The following VPS13C variants were observed in gnomAD, a reference collection of about 807,000 sequenced individuals.
VPS13C encodes the protein vacuolar protein sorting 13 homolog C.
VPS13C carries 358 observed loss-of-function variants against 456.8 expected under a neutral mutation model. That is an observed-to-expected ratio of 0.78 (90% CI 0.72 to 0.86). VPS13C has a LOEUF of 0.86. Among genes scored for constraint, VPS13C ranks in the 40% least tolerant of loss-of-function variants. The probability of loss-of-function intolerance (pLI) is 0.00; values close to 1 mark genes in which losing one functional copy is unlikely to be tolerated. For synonymous variants in VPS13C, 1,578 were observed against 1,486.7 expected, an observed-to-expected ratio of 1.06 and a Z score of -1.41; for missense variants, 4,818 against 4,385.4, an observed-to-expected ratio of 1.10 and a Z score of -2.79.
At chr15:61,931,859 C>T (rs1401608955) in intron 49 of VPS13C, among the ~76,000 whole-genome samples, 1 of 152,064 alleles carries the variant, frequency 6.6e-6, no homozygotes, top group Non-Finnish European at 1.5e-5. Context: ...GGATTACAGG[C>T]ATAAGCCACT....
At chr15:61,970,283 A>C (rs923249039) in intron 27 of VPS13C, among the ~76,000 whole-genome samples, 1 of 152,212 alleles carries the variant, frequency 6.6e-6, no homozygotes, top group African/African-American at 2.4e-5. Context: ...AGTCAACATC[A>C]GAATGCAACC....
rs200006808 is a variant in VPS13C at position 61,977,121 on chromosome 15, A to C, written c.2369T>G (p.Leu790Trp). 21 of 1,601,422 alleles carry C rather than the reference A, an allele frequency of 1.3e-5. No homozygotes were observed. Among genetic ancestry groups the C allele is most frequent in the Non-Finnish European group, 1.8e-5 (21 of 1,174,434 alleles). ...GTCTTTTTCTACCATGGCCTTAGCC[A>C]ACTCAACATGAATATCCATGGGTTG... Reference protein sequence around the residue: ...ILQPMDIHVELAKAMVEKDIR... With the variant: ...ILQPMDIHVEWAKAMVEKDIR... Residue 790 changes from leucine to tryptophan, a missense_variant, in exon 24 of 85, where the codon TTG becomes TGG. Around this residue, in one of 3 missense-constraint regions of VPS13C, gnomAD observed 4,552 missense variants for 4,130.6 expected, o/e 1.10. Coordinates refer to ENST00000644861, the MANE Select transcript of VPS13C (RefSeq NM_020821.3).
intron 79 of VPS13C, 125 bp from the exon 80 acceptor site, chr15:61,869,748 A>G: frequency 8.1e-6 from 12 of 1,477,250 alleles, no homozygotes; most frequent in Non-Finnish European, 1.1e-5. Context: ...TTGGCTTTCT[A>G]AAGAAGTTAA....
intron 42 of VPS13C, among the ~76,000 whole-genome samples, chr15:61,949,240 T>C (rs2044705749): frequency 6.6e-6 from 1 of 152,188 alleles, no homozygotes; most frequent in South Asian, 2.1e-4. Flanking sequence ...AATATAAATA[T>C]ATAATATTAA....
intron 4 of VPS13C, among the ~76,000 whole-genome samples, chr15:62,034,096 T>C (rs1468689781): frequency 6.6e-6 from 1 of 151,708 alleles, no homozygotes; most frequent in Admixed American, 6.6e-5. Context: ...GATGTATTTA[T>C]AGTACTGACT....
intron 12 of VPS13C, among the ~76,000 whole-genome samples, chr15:62,011,692 T>TA (rs976295304): frequency 4.6e-5 from 7 of 151,854 alleles, no homozygotes; most frequent in Non-Finnish European, 8.8e-5. Flanking sequence ...AAAAGCTCAC[T>TA]AAAAAAATTC....
intron 35 of VPS13C, 48 bp downstream of exon 35, chr15:61,961,541 G>C: frequency 6.8e-7 from 1 of 1,473,572 alleles, no homozygotes; most frequent in Non-Finnish European, 9.0e-7. Flanking sequence ...AAATTTCATG[G>C]AAATCATGAA....
intron 6 of VPS13C, among the ~76,000 whole-genome samples, chr15:62,024,124 C>T (rs1189194744): frequency 6.6e-6 from 1 of 151,950 alleles, no homozygotes; most frequent in African/African-American, 2.4e-5. Context: ...ATTCCCAATG[C>T]CATTTATAAT....
At chr15:61,894,389 T>C (rs1343781774) in intron 66 of VPS13C, among the ~76,000 whole-genome samples, 2 of 151,252 alleles carry the variant, frequency 1.3e-5, no homozygotes, top group Admixed American at 1.3e-4. Flanking sequence ...TCAATAATAA[T>C]AATGAATGTA....
intron 22 of VPS13C, among the ~76,000 whole-genome samples, 196 bp downstream of exon 22, chr15:61,981,146 C>G: frequency 6.6e-6 from 1 of 152,100 alleles, no homozygotes; most frequent in Non-Finnish European, 1.5e-5. Context: ...CCTACCACTA[C>G]AGAAAATTTG....
intron 66 of VPS13C, among the ~76,000 whole-genome samples, chr15:61,896,262 T>C (rs1341834237): frequency 1.3e-5 from 2 of 152,136 alleles, no homozygotes; most frequent in African/African-American, 4.8e-5. Flanking sequence ...GATGGCCGAA[T>C]AGGAACAGCT....
chr15:61,953,032 A>G (rs1464497426), intron 38 of VPS13C, among the ~76,000 whole-genome samples: 1 of 152,144 alleles, frequency 6.6e-6, no homozygotes, highest in East Asian at 1.9e-4. Flanking sequence ...CCTACTTAAA[A>G]CTTTATTATT....
chr15:61,875,539 C>T (rs1254750004), intron 76 of VPS13C, among the ~76,000 whole-genome samples, 193 bp downstream of exon 76: 2 of 152,022 alleles, frequency 1.3e-5, no homozygotes, highest in African/African-American at 2.4e-5. Context: ...GTGGGCAGCG[C>T]TCATTAAATT....
chr15:61,927,397 TTAAGTTG>T (rs2043890991), intron 51 of VPS13C, 77 bp from the exon 52 acceptor site: 2 of 1,160,090 alleles, frequency 1.7e-6, no homozygotes, highest in Non-Finnish European at 2.5e-6. Flanking sequence ...CTACAAGTTG[TTAAGTTG>T]TTCTCAATGT....
At chr15:61,967,544 T>C (rs943755327) in intron 28 of VPS13C, 97 bp from the exon 29 acceptor site, 1 of 929,062 alleles carries the variant, frequency 1.1e-6, no homozygotes, top group Non-Finnish European at 1.6e-6. Flanking sequence ...AATTAAGCTT[T>C]AAAAGAAAAT....
chr15:61,945,890 T>C lies in VPS13C; in HGVS notation c.4981-8A>G. 1 of 1,592,792 alleles carries C rather than the reference T, an allele frequency of 6.3e-7. No individual in the cohort carries two copies. Among genetic ancestry groups the C allele is most frequent in the Non-Finnish European group, 8.5e-7 (1 of 1,174,494 alleles). On this transcript the variant is annotated splice_polypyrimidine_tract_variant and splice_region_variant and intron_variant, in intron 44 of 84. Transcript: ENST00000644861. ...TCCCAAAATAGAGACAGCCTAAAAG[T>C]ATTAGATTAACTGGTTATTATATCA...
Position 61,958,632 on chromosome 15 carries a change from C to T in VPS13C, c.4141G>A (p.Val1381Met), listed in dbSNP as rs547611406. ...LCEGTEDLDK[V>M]KPRVQETGEI... ...CCTGTCTCTTGTACTCTTGGTTTCACTTTATCCAAGTCTTCAGTACCCTCA... is the reference window on the plus strand; with the variant it reads ...CCTGTCTCTTGTACTCTTGGTTTCATTTTATCCAAGTCTTCAGTACCCTCA... The change falls in exon 37 of 85, where the codon GTG becomes ATG. Residue 1381 changes from valine (V) to methionine (M), a missense_variant. By Grantham distance (21) the Val-to-Met change is conservative. Coordinates refer to ENST00000644861, the MANE Select transcript of VPS13C (RefSeq NM_020821.3). 1.0e-5 allele frequency: 16 copies of T among 1,574,926 alleles called. No homozygotes were observed. The African/African-American group carries it at 2.2e-4, about 22-fold the overall frequency.
rs777883195 is a variant in VPS13C at position 61,941,888 on chromosome 15, A to T, written c.5328T>A (p.Ala1776=). 1.2e-6 allele frequency: 2 copies of T among 1,613,944 alleles called. No individual in the cohort carries two copies. Among genetic ancestry groups the T allele is most frequent in the Admixed American group, 1.7e-5 (1 of 60,002 alleles). The change falls in exon 46 of 85, where the codon GCT becomes GCA. Residue 1776 remains alanine (A), a synonymous_variant. Transcript: ENST00000644861. ...IIPQSSVSPN[A]VIADLGLIRV... is the part of the protein sequence containing the mutation. ...TGATTAAACCCAGATCTGCTATAAC[A>T]GCATTAGGTGATACTGAAGACTGAG... is the stretch of plus-strand genomic sequence containing the variant.
chr15:61,953,289 G>A (rs950785317), intron 38 of VPS13C, among the ~76,000 whole-genome samples: 7 of 150,998 alleles, frequency 4.6e-5, no homozygotes, highest in East Asian at 3.9e-4. Flanking sequence ...TGCACAATGC[G>A]CAGGTTAGTT....
Sources: allele counts gnomAD v4.1 joint callset (sites outside exome capture counted in the v4.1 genomes callset), GRCh38; gene constraint gnomAD v4.1.1; regional missense constraint gnomAD v4.1.1; transcripts MANE v1.5; gene names NCBI Gene and HGNC (gene_info 2026-07-23, HGNC 2026-07-21).